KRT86: variants seen among roughly 807,000 people sequenced by gnomAD.
KRT86 encodes keratin, type II cuticular Hb6.
Under a neutral mutation model 41.2 loss-of-function variants are expected in KRT86, and 30 were observed. The ratio of observed to expected loss-of-function variants is 0.73; its 90% CI spans 0.54 to 0.99. The LOEUF (loss-of-function observed/expected upper bound fraction) is 0.99. Ranked by LOEUF, KRT86 falls within the 50% of genes least tolerant of loss-of-function variation. The pLI, the probability that KRT86 is intolerant of heterozygous loss-of-function variation, is 0.00. For missense variants in KRT86, 561 were observed against 571.4 expected (o/e 0.98, Z 0.19); for synonymous variants, 238 against 238.1 (o/e 1.00, Z 0.00).
At chr12:52,302,848 G>T (rs551966887) in intron 3 of KRT86, among the ~76,000 whole-genome samples, 1 of 146,236 alleles carries the variant, frequency 6.8e-6, no homozygotes, top group African/African-American at 2.5e-5. Context: ...GGGTGGGGGG[G>T]GGGTCACTCA....
chr12:52,282,635 A>G lies in KRT86; in HGVS notation c.-5+6689A>G, dbSNP rs181875943. ...AGAGTGACCATAGGGCAGGAGGAAT[A>G]AGTAGGCAAGCCTAGGGGTTAGAGC... On this transcript the variant is annotated intron_variant, in intron 2 of 10. Coordinates refer to ENST00000423955, the MANE Select transcript of KRT86 (RefSeq NM_001320198.2). Among the ~76,000 whole-genome samples the G allele has an allele frequency of 2.0e-5, 3 of 152,316 alleles. No homozygotes were observed. The East Asian group carries it at 5.8e-4, about 29-fold the overall frequency.
chr12:52,287,123 A>G, intron 2 of KRT86: 1 of 1,613,094 alleles, frequency 6.2e-7, no homozygotes, highest in Non-Finnish European at 8.5e-7. Context: ...GCCCTCCAGC[A>G]GGCGCCTGTA....
Position 52,304,954 on chromosome 12 carries a change from G to A in KRT86, c.662G>A (p.Arg221His), listed in dbSNP as rs531934335. The A allele has an allele frequency of 5.9e-5, 95 of 1,614,140 alleles. No individual in the cohort carries two copies. Among genetic ancestry groups the A allele is most frequent in the South Asian group, 3.6e-4 (33 of 91,072 alleles). The change falls in exon 6 of 11, where the codon CGC becomes CAC. Residue 221 changes from arginine (R) to histidine (H), a missense_variant. Around this residue, in one of 3 missense-constraint regions of KRT86, gnomAD observed 397 missense variants for 375.9 expected, o/e 1.06. Coordinates refer to ENST00000423955, the MANE Select transcript of KRT86 (RefSeq NM_001320198.2). ...CAGGATGTGGACTGCGCCTACCTCC[G>A]CAAATCAGACCTGGAGGCCAATGTG... ...LKKDVDCAYLRKSDLEANVEA... is the reference protein window; with the variant it reads ...LKKDVDCAYLHKSDLEANVEA...
chr12:52,294,753 G>C (rs1260650022), intron 2 of KRT86, among the ~76,000 whole-genome samples: 2 of 152,156 alleles, frequency 1.3e-5, no homozygotes, highest in African/African-American at 4.8e-5. Flanking sequence ...CTGGCCTAGG[G>C]TGACTCCTCT....
rs199538989 is a variant in KRT86 at position 52,301,964 on chromosome 12, G to C, written c.48G>C (p.Ser16=). The change falls in exon 3 of 11, where the codon TCG becomes TCC. Residue 16 remains serine (S), a synonymous_variant. Coordinates refer to ENST00000423955, the MANE Select transcript of KRT86 (RefSeq NM_001320198.2). ...YCGGRAFSCI[S]ACGPRPGRCC... is the part of the protein sequence containing the mutation. ...GTGGCCGCGCCTTCAGCTGCATCTCGGCCTGCGGGCCCCGGCCCGGCCGCT... is the reference window on the plus strand; with the variant it reads ...GTGGCCGCGCCTTCAGCTGCATCTCCGCCTGCGGGCCCCGGCCCGGCCGCT... 42 of 1,613,506 alleles carry C rather than the reference G, an allele frequency of 2.6e-5. No homozygotes were observed. In the Middle Eastern group the frequency reaches 4.9e-4, roughly 19 times the overall value.
chr12:52,288,108 A>G, intron 2 of KRT86: 1 of 1,614,148 alleles, frequency 6.2e-7, no homozygotes, highest in Non-Finnish European at 8.5e-7. Context: ...CTTGACAACC[A>G]CGGAGGTGTC....
chr12:52,282,102 G>GAAT (rs10630499), intron 2 of KRT86, among the ~76,000 whole-genome samples: 125,771 of 151,968 alleles, frequency 0.83, 52,197 homozygotes, highest in African/African-American at 0.87. Context: ...CTGCAAAATA[G>GAAT]AGTAACTATC....
intron 2 of KRT86, among the ~76,000 whole-genome samples, chr12:52,281,660 C>T (rs996917172): frequency 6.6e-6 from 1 of 152,208 alleles, no homozygotes; most frequent in African/African-American, 2.4e-5. Context: ...TGTCCAAACT[C>T]TTCACCTGTT....
chr12:52,274,847 CA>C (rs1452412233), intron 1 of KRT86, 125 bp downstream of exon 1: 1 of 412,416 alleles, frequency 2.4e-6, no homozygotes, highest in Non-Finnish European at 3.3e-6. Context: ...GGGAACACAG[CA>C]GAAATTGAGA....
chr12:52,287,378 C>T lies in KRT86; in HGVS notation c.-5+11432C>T, dbSNP rs1314450047. ...AGAGTCCCTGGGTCTCTCTGATGCT[C>T]ATCCAAATGAGACCACACTCCCCAC... On this transcript the variant is annotated intron_variant, in intron 2 of 10. Transcript: ENST00000423955. The T allele has an allele frequency of 3.1e-6, 5 of 1,603,892 alleles. No homozygotes were observed. In the East Asian group the frequency reaches 9.0e-5, roughly 29 times the overall value.
Position 52,301,953 on chromosome 12 carries a change from A to G in KRT86, c.37A>G (p.Ser13Gly), listed in dbSNP as rs780844187. The G allele has an allele frequency of 1.6e-5, 26 of 1,613,776 alleles. 1 individual carries two copies. The South Asian group carries it at 2.5e-4, about 16-fold the overall frequency. Reference sequence around the variant, plus strand: ...ATCTTACTGTGGTGGCCGCGCCTTCAGCTGCATCTCGGCCTGCGGGCCCCG... The same window carrying G: ...ATCTTACTGTGGTGGCCGCGCCTTCGGCTGCATCTCGGCCTGCGGGCCCCG... ...CGSYCGGRAF[S>G]CISACGPRPG... Residue 13 changes from serine to glycine, a missense_variant, in exon 3 of 11, where the codon AGC (serine) becomes GGC (glycine). By Grantham distance (56) the Ser-to-Gly change is moderately conservative. This residue lies in a region of KRT86 where 164 missense variants were observed against 172.5 expected (regional missense o/e 0.95). Transcript: ENST00000423955.
intron 2 of KRT86, chr12:52,287,945 A>T (rs776653111): frequency 6.2e-7 from 1 of 1,613,808 alleles, no homozygotes; most frequent in Non-Finnish European, 8.5e-7. Flanking sequence ...CATCCCTCCC[A>T]CTGACACGTC....
At chr12:52,300,587 C>T (rs1363131367) in intron 2 of KRT86, among the ~76,000 whole-genome samples, 2 of 152,184 alleles carry the variant, frequency 1.3e-5, no homozygotes, top group African/African-American at 4.8e-5. Context: ...TCCTACCCAG[C>T]CTTTGTGAGT....
chr12:52,291,406 C>G lies in KRT86; in HGVS notation c.-4-10507C>G, dbSNP rs75660643. 5.3e-3 allele frequency: 8,616 copies of G among 1,610,584 alleles called. 133 individuals carry two copies. The highest frequency in any genetic ancestry group is 0.053 in the East Asian group (2,382 of 44,752). On this transcript the variant is annotated intron_variant, in intron 2 of 10. Coordinates refer to ENST00000423955, the MANE Select transcript of KRT86 (RefSeq NM_001320198.2). Reference sequence around the variant, plus strand: ...CGGTGATGCAGCAGCGGCCGGGCCGCGGCCCGCAGGCCGAGATGCAGCTGA... The same window carrying G: ...CGGTGATGCAGCAGCGGCCGGGCCGGGGCCCGCAGGCCGAGATGCAGCTGA...
chr12:52,286,556 C>T (rs758698719), intron 2 of KRT86: 53 of 1,484,892 alleles, frequency 3.6e-5, no homozygotes, highest in Non-Finnish European at 4.4e-5. Flanking sequence ...TCCTGACAAC[C>T]GCCCCTGCCC....
At chr12:52,287,394 C>T (rs994889560) in intron 2 of KRT86, 5 of 1,590,774 alleles carry the variant, frequency 3.1e-6, no homozygotes, top group African/African-American at 2.7e-5. Context: ...AATGAGACCA[C>T]ACTCCCCACC....
Position 52,301,908 on chromosome 12 carries a change from A to G in KRT86, c.-4-5A>G, listed in dbSNP as rs528526293. 28 of 1,613,832 alleles carry G rather than the reference A, an allele frequency of 1.7e-5. No homozygotes were observed. The East Asian group carries it at 4.0e-4, about 23-fold the overall frequency. On this transcript the variant is annotated splice_polypyrimidine_tract_variant and splice_region_variant and intron_variant, in intron 2 of 10. Coordinates refer to ENST00000423955, the MANE Select transcript of KRT86 (RefSeq NM_001320198.2). ...TCCTCAGAACCTCCTCTCTTCCCCA[A>G]AAAGCACCATGACTTGTGGATCTTA...
At chr12:52,278,438 G>GTTTTTT (rs10684723) in intron 2 of KRT86, among the ~76,000 whole-genome samples, 1 of 128,054 alleles carries the variant, frequency 7.8e-6, no homozygotes, top group Admixed American at 7.8e-5. Context: ...AGAAAGTGTA[G>GTTTTTT]TTTTTTTTTT....
intron 2 of KRT86, chr12:52,286,830 C>G: frequency 6.2e-7 from 1 of 1,613,800 alleles, no homozygotes; most frequent in Non-Finnish European, 8.5e-7. Context: ...AGCCTGAGGG[C>G]AAAAGAGAAA....
Sources: allele counts gnomAD v4.1 joint callset (sites outside exome capture counted in the v4.1 genomes callset), GRCh38; gene constraint gnomAD v4.1.1; regional missense constraint gnomAD v4.1.1; transcripts MANE v1.5; gene names NCBI Gene and HGNC (gene_info 2026-07-23, HGNC 2026-07-21).